The following BCKDHB variants were observed in gnomAD, a reference collection of about 807,000 sequenced individuals.
BCKDHB encodes branched chain keto acid dehydrogenase E1 subunit beta.
BCKDHB carries 41 observed loss-of-function variants against 48.5 expected under a neutral mutation model. The ratio of observed to expected loss-of-function variants is 0.85; its 90% CI spans 0.66 to 1.10. The LOEUF (loss-of-function observed/expected upper bound fraction) is 1.10, where lower values mean the gene tolerates loss of function less well. BCKDHB is among the 50% of genes least tolerant of loss of function. The pLI is 0.00. For missense variants in BCKDHB, 496 were observed against 494.2 expected, an observed-to-expected ratio of 1.00 and a Z score of -0.03; for synonymous variants, 201 against 174.8, an observed-to-expected ratio of 1.15 and a Z score of -1.18.
chr6:80,441,078 C>A, the BCKDHB span: 1 of 134,672 alleles, frequency 7.4e-6, no homozygotes, highest in African/African-American at 2.5e-5. Flanking sequence ...AACTAAAGGT[C>A]ATTCCATTCT....
chr6:80,111,623 T>C (rs1769413944), intron 1 of BCKDHB, among the ~76,000 whole-genome samples: 1 of 152,188 alleles, frequency 6.6e-6, no homozygotes, highest in African/African-American at 2.4e-5. Context: ...ATAGGTAGCC[T>C]AGGAATTCCA....
At chr6:80,389,940 C>T in the BCKDHB span, among the ~76,000 whole-genome samples, 160 of 152,238 alleles carry the variant, frequency 1.1e-3, no homozygotes, top group African/African-American at 3.5e-3. Context: ...TTCCTGTTCC[C>T]GTGACATTGT....
chr6:80,107,326 T>C (rs1237495943), intron 1 of BCKDHB, among the ~76,000 whole-genome samples: 2 of 146,086 alleles, frequency 1.4e-5, no homozygotes, highest in Middle Eastern at 3.6e-3. Flanking sequence ...ATTTTAAATG[T>C]ATATTATATA....
chr6:80,164,219 C>T (rs1260732115), intron 3 of BCKDHB, among the ~76,000 whole-genome samples: 2 of 152,226 alleles, frequency 1.3e-5, no homozygotes, highest in Non-Finnish European at 2.9e-5. Context: ...CATCCTGTAA[C>T]TCCTTGACTT....
chr6:80,239,015 G>A (rs1776267161), intron 8 of BCKDHB, among the ~76,000 whole-genome samples: 1 of 152,170 alleles, frequency 6.6e-6, no homozygotes. Context: ...AGACATTTGG[G>A]TTGGTTCCAA....
At chr6:80,452,214 G>C in the BCKDHB span, among the ~76,000 whole-genome samples, 1 of 152,186 alleles carries the variant, frequency 6.6e-6, no homozygotes, top group East Asian at 1.9e-4. Flanking sequence ...ATTGGCTATA[G>C]TGTGTCGTAG....
chr6:80,399,133 C>A, the BCKDHB span, among the ~76,000 whole-genome samples: 13 of 152,214 alleles, frequency 8.5e-5, no homozygotes, highest in Non-Finnish European at 1.5e-4. Flanking sequence ...TCTATGAAAA[C>A]CCACAGCCAA....
chr6:80,122,841 C>G (rs1770102142), intron 1 of BCKDHB, among the ~76,000 whole-genome samples: 1 of 152,024 alleles, frequency 6.6e-6, no homozygotes, highest in African/African-American at 2.4e-5. Flanking sequence ...ACAAATTTAC[C>G]AGCTTGGAGT....
chr6:80,201,280 AAATT>A (rs1157382429), intron 7 of BCKDHB, among the ~76,000 whole-genome samples: 4 of 152,158 alleles, frequency 2.6e-5, no homozygotes, highest in African/African-American at 7.2e-5. Context: ...TGCCATAATC[AAATT>A]AATTAATGGA....
chr6:80,300,923 A>G lies in BCKDHB; in HGVS notation c.1038+27702A>G, dbSNP rs184976332. On this transcript the variant is annotated intron_variant, in intron 9 of 9. Coordinates refer to ENST00000320393, the MANE Select transcript of BCKDHB (RefSeq NM_183050.4). ...ATAACTACACAAAATAAATTAAACA[A>G]TTTGCTCCTGAATAACTCCTGGGTG... Among the ~76,000 whole-genome samples, 283 of 152,274 alleles carry G rather than the reference A, an allele frequency of 1.9e-3. 1 individual carries two copies. Among genetic ancestry groups the G allele is most frequent in the Non-Finnish European group, 2.7e-3 (182 of 68,012 alleles).
chr6:80,159,990 A>G (rs955276821), intron 3 of BCKDHB, among the ~76,000 whole-genome samples: 38 of 152,242 alleles, frequency 2.5e-4, no homozygotes, highest in African/African-American at 8.2e-4. Flanking sequence ...TAATGGAAAG[A>G]AGAAATTTAA....
At chr6:80,239,006 G>T (rs1331503688) in intron 8 of BCKDHB, among the ~76,000 whole-genome samples, 1 of 152,196 alleles carries the variant, frequency 6.6e-6, no homozygotes, top group East Asian at 1.9e-4. Flanking sequence ...ATCATTGATA[G>T]ACATTTGGGT....
At chr6:80,405,975 C>T in the BCKDHB span, among the ~76,000 whole-genome samples, 1 of 152,090 alleles carries the variant, frequency 6.6e-6, no homozygotes, top group Non-Finnish European at 1.5e-5. Flanking sequence ...ATCCCTCCTC[C>T]AGGCCCCCGC....
chr6:80,445,407 C>T, the BCKDHB span, among the ~76,000 whole-genome samples: 2 of 152,010 alleles, frequency 1.3e-5, no homozygotes, highest in Admixed American at 6.6e-5. Context: ...GGAAAAGACC[C>T]ACAAGGATTC....
At chr6:80,169,602 G>A (rs1014804006) in intron 5 of BCKDHB, among the ~76,000 whole-genome samples, 1 of 151,864 alleles carries the variant, frequency 6.6e-6, no homozygotes, top group East Asian at 1.9e-4. Context: ...TAGGTCTTTT[G>A]ATGGTAAAAA....
downstream of BCKDHB, among the ~76,000 whole-genome samples, chr6:80,350,740 A>G (rs1770370289): frequency 6.6e-6 from 1 of 152,240 alleles, no homozygotes; most frequent in Non-Finnish European, 1.5e-5. Flanking sequence ...TTCAGTGGCT[A>G]TAAAGAATTA....
intron 3 of BCKDHB, among the ~76,000 whole-genome samples, chr6:80,130,249 C>T (rs1770561344): frequency 6.6e-6 from 1 of 152,176 alleles, no homozygotes; most frequent in South Asian, 2.1e-4. Context: ...CAAAGCAGTT[C>T]ACGTGAGGGC....
At chr6:80,267,505 A>T (rs1777563966) in intron 8 of BCKDHB, among the ~76,000 whole-genome samples, 1 of 152,002 alleles carries the variant, frequency 6.6e-6, no homozygotes, top group Non-Finnish European at 1.5e-5. Flanking sequence ...TGAGGGAGGG[A>T]TAGAATGTCT....
chr6:80,246,952 C>T (rs1279276455), intron 8 of BCKDHB, among the ~76,000 whole-genome samples: 1 of 151,862 alleles, frequency 6.6e-6, no homozygotes, highest in East Asian at 1.9e-4. Flanking sequence ...TAGTTAGACA[C>T]TTTGGTCCTT....
Sources: allele counts gnomAD v4.1 joint callset (sites outside exome capture counted in the v4.1 genomes callset), GRCh38; gene constraint gnomAD v4.1.1; transcripts MANE v1.5; gene names NCBI Gene and HGNC (gene_info 2026-07-23, HGNC 2026-07-21).